Variants in NEK5 observed in about 807,000 individuals in gnomAD.
NEK5 encodes NIMA related kinase 5, also known as serine/threonine-protein kinase Nek5.
A neutral mutation model predicts 109.2 loss-of-function variants in NEK5; 88 were observed. The ratio of observed to expected loss-of-function variants is 0.81; its 90% confidence interval spans 0.68 to 0.96. The LOEUF (loss-of-function observed/expected upper bound fraction) is 0.96, where lower values mean the gene tolerates loss of function less well. NEK5 is among the 40% of genes least tolerant of loss of function. NEK5 has a pLI of 0.00. For missense variants in NEK5, 834 were observed against 920.7 expected, an observed-to-expected ratio of 0.91 and a Z score of 1.22; for synonymous variants, 283 against 299.9, an observed-to-expected ratio of 0.94 and a Z score of 0.58.
chr13:52,081,224 T>C (rs1955006885), intron 17 of NEK5, among the ~76,000 whole-genome samples: 2 of 152,242 alleles, frequency 1.3e-5, no homozygotes, highest in African/African-American at 4.8e-5. Context: ...TATAGCTGCA[T>C]ATTCCCTTCA....
chr13:52,093,139 G>C lies in NEK5; in HGVS notation c.1123C>G (p.Pro375Ala), dbSNP rs770144927. The change falls in exon 13 of 24, where the codon CCA (proline) becomes GCA (alanine). Residue 375 changes from proline to alanine, a missense_variant. Pro to Ala is a conservative substitution (Grantham distance 27). Transcript: ENST00000684899. ...TCTTGAGGAATAGGGTGATAACTTGGTTTGTGGGCTCTCCTCCTCAGCATA... is the reference window on the plus strand; with the variant it reads ...TCTTGAGGAATAGGGTGATAACTTGCTTTGTGGGCTCTCCTCCTCAGCATA... Reference protein sequence around the residue: ...LDMLRRRAHKPSYHPIPQENT... With the variant: ...LDMLRRRAHKASYHPIPQENT... 1 of 1,613,296 alleles carries C rather than the reference G, an allele frequency of 6.2e-7. No homozygotes were observed. Among genetic ancestry groups the C allele is most frequent in the South Asian group, 1.1e-5 (1 of 91,058 alleles).
intron 22 of NEK5, among the ~76,000 whole-genome samples, chr13:52,058,015 T>C (rs1954577428): frequency 6.6e-6 from 1 of 152,136 alleles, no homozygotes; most frequent in African/African-American, 2.4e-5. Context: ...TCAAATTGTC[T>C]GTGTTTGCGG....
chr13:52,112,143 G>T, intron 5 of NEK5, 125 bp downstream of exon 5: 2 of 475,140 alleles, frequency 4.2e-6, no homozygotes, highest in South Asian at 5.2e-5. Context: ...ACTATTTTAT[G>T]GTTTCAATCT....
chr13:52,074,375 A>G (rs1339269935), intron 19 of NEK5, among the ~76,000 whole-genome samples: 1 of 152,196 alleles, frequency 6.6e-6, no homozygotes, highest in Admixed American at 6.5e-5. Context: ...AAAATAAGCA[A>G]TGGGGAAAGG....
At chr13:52,105,238 AGT>A (rs5803594) in intron 8 of NEK5, among the ~76,000 whole-genome samples, 24,102 of 147,896 alleles carry the variant, frequency 0.16, 2,328 homozygotes, top group African/African-American at 0.28. Context: ...TTTGTGCATG[AGT>A]GTGTGTGTGT....
chr13:52,084,760 A>T (rs61957214), intron 16 of NEK5, among the ~76,000 whole-genome samples: 2,540 of 36,070 alleles, frequency 0.07, 19 homozygotes, highest in Admixed American at 0.094. Flanking sequence ...AGAGAGAGAG[A>T]GAGTGTGTGT....
At position 52,065,411 on chromosome 13, in the gene NEK5, A is replaced by G. The variant is rs749289270; in HGVS notation, c.1975+73T>C. 15 of 1,605,446 alleles carry G rather than the reference A, an allele frequency of 9.3e-6. No homozygotes were observed. The Admixed American group carries it at 2.5e-4, about 27-fold the overall frequency. ...TGTATAGTGAGAAGTAGACTATCACATCAGGATGAGCACTGGGCTGTACGG... is the reference window on the plus strand; with the variant it reads ...TGTATAGTGAGAAGTAGACTATCACGTCAGGATGAGCACTGGGCTGTACGG... On this transcript the variant is annotated intron_variant, in intron 21 of 23. Coordinates refer to ENST00000684899, the MANE Select transcript of NEK5 (RefSeq NM_001365552.1).
chr13:52,063,936 C>A (rs538801096), intron 21 of NEK5, among the ~76,000 whole-genome samples: 1 of 149,254 alleles, frequency 6.7e-6, no homozygotes, highest in Non-Finnish European at 1.5e-5. Flanking sequence ...CCGCCCCGTC[C>A]GGGAGGGAGG....
chr13:52,053,525 T>C (rs1402673251), intron 22 of NEK5, among the ~76,000 whole-genome samples: 4 of 152,078 alleles, frequency 2.6e-5, no homozygotes, highest in Admixed American at 2.0e-4. Flanking sequence ...CACCAAGCAC[T>C]CCCTTGCATT....
chr13:52,096,352 A>G (rs1185601076), intron 12 of NEK5, among the ~76,000 whole-genome samples: 1 of 151,930 alleles, frequency 6.6e-6, no homozygotes, highest in East Asian at 1.9e-4. Flanking sequence ...AGATGATGGA[A>G]AGTTTGGAAT....
chr13:52,096,391 A>T (rs1227084480), intron 12 of NEK5, among the ~76,000 whole-genome samples: 1 of 152,192 alleles, frequency 6.6e-6, no homozygotes, highest in Non-Finnish European at 1.5e-5. Context: ...AATCATAGTG[A>T]CCAAAATGCT....
rs56199986 is a variant in NEK5 at position 52,084,384 on chromosome 13, A to C, written c.1480-1032T>G. 2.6e-3 allele frequency among the ~76,000 whole-genome samples: 394 copies of C among 151,954 alleles called. 2 individuals carry two copies. Among genetic ancestry groups the C allele is most frequent in the Non-Finnish European group, 4.2e-3 (287 of 67,954 alleles). ...AAGCATTTGCCACCATGACCCACTA[A>C]TTTTTTAAATTTTTTGTACATATGG... is the stretch of plus-strand genomic sequence containing the variant. On this transcript the variant is annotated intron_variant, in intron 16 of 23. Transcript: ENST00000684899.
intron 7 of NEK5, 119 bp from the exon 8 acceptor site, chr13:52,108,523 A>ATG (rs1955697420): frequency 3.4e-6 from 2 of 591,634 alleles, no homozygotes; most frequent in Non-Finnish European, 5.9e-6. Flanking sequence ...TGATGCATAC[A>ATG]TGTGTTAGAA....
intron 3 of NEK5, among the ~76,000 whole-genome samples, chr13:52,121,660 A>C (rs1955973000): frequency 1.3e-5 from 2 of 152,210 alleles, no homozygotes; most frequent in South Asian, 4.1e-4. Flanking sequence ...CCACAGACGA[A>C]AGCCCATAGG....
chr13:52,034,018 C>T lies in NEK5; in HGVS notation c.*2930G>A, dbSNP rs1954333563. The T allele has an allele frequency of 6.6e-6, 1 of 152,192 alleles. No individual in the cohort carries two copies. The highest frequency in any genetic ancestry group is 2.4e-5 in the African/African-American group (1 of 41,432). 9.4% of individuals were successfully genotyped at this position (152,192 alleles called of 1,614,324 possible). A position where few individuals can be genotyped will look rare whatever the true frequency, so the allele number is the denominator to read the frequency against. ...AAGGCAACCCTTGGCTTTGGAGAAG[C>T]ATCTGTTCCAATATTCTGGTGCTAT... On this transcript the variant is annotated 3_prime_UTR_variant, in exon 24 of 24. Transcript: ENST00000684899.
At position 52,091,025 on chromosome 13, in the gene NEK5, C is replaced by CA. The variant is rs879501839; in HGVS notation, c.1209-1713dup. Among the ~76,000 whole-genome samples the CA allele has an allele frequency of 3.7e-3, 498 of 133,136 alleles. 2 individuals are homozygous for CA. Among genetic ancestry groups the CA allele is most frequent in the South Asian group, 6.4e-3 (27 of 4,198 alleles). 87.3% of individuals were successfully genotyped at this position (133,136 alleles called of 152,430 possible). On this transcript the variant is annotated intron_variant, in intron 13 of 23. Coordinates refer to ENST00000684899, the MANE Select transcript of NEK5 (RefSeq NM_001365552.1). ...TGGGCGACAGAGCGAGACTCTGTCTCAAAAAAAAAAAAAATCCTTTTCCTC... is the reference window on the plus strand; with the variant it reads ...TGGGCGACAGAGCGAGACTCTGTCTCAAAAAAAAAAAAAAATCCTTTTCCTC...
intron 23 of NEK5, among the ~76,000 whole-genome samples, chr13:52,044,499 A>G (rs906599233): frequency 2.0e-5 from 3 of 152,238 alleles, no homozygotes; most frequent in Non-Finnish European, 2.9e-5. Context: ...CGTCCCCAAC[A>G]GGTGAATCTA....
At chr13:52,055,225 G>A (rs1954543653) in intron 22 of NEK5, among the ~76,000 whole-genome samples, 1 of 152,190 alleles carries the variant, frequency 6.6e-6, no homozygotes, top group African/African-American at 2.4e-5. Flanking sequence ...TGAATGAAAT[G>A]AAGCAAGAAG....
chr13:52,104,603 A>T, intron 8 of NEK5, 51 bp from the exon 9 acceptor site: 1 of 1,294,624 alleles, frequency 7.7e-7, no homozygotes, highest in Non-Finnish European at 1.1e-6. Flanking sequence ...AATTCTTAAT[A>T]AAAGCTTTTA....
Sources: allele counts gnomAD v4.1 joint callset (sites outside exome capture counted in the v4.1 genomes callset), GRCh38; gene constraint gnomAD v4.1.1; transcripts MANE v1.5; gene names NCBI Gene and HGNC (gene_info 2026-07-23, HGNC 2026-07-21).